VPS8: variants seen among roughly 807,000 people sequenced by gnomAD.
VPS8 encodes vacuolar protein sorting-associated protein 8 homolog.
In VPS8, 129 loss-of-function variants were observed where a neutral mutation model predicts 216.4. The ratio of observed to expected loss-of-function variants is 0.60; its 90% confidence interval spans 0.52 to 0.69. The LOEUF (loss-of-function observed/expected upper bound fraction) is 0.69, where lower values mean the gene tolerates loss of function less well. VPS8 is among the 30% of genes least tolerant of loss of function. The probability of loss-of-function intolerance (pLI) is 0.00; values close to 1 mark genes in which losing one functional copy is unlikely to be tolerated. For missense variants in VPS8, 1,531 were observed against 1,683.5 expected (o/e 0.91, Z 1.59); for synonymous variants, 571 against 565.4 (o/e 1.01, Z -0.14).
At chr3:184,839,785 A>G (rs1218368129) in intron 7 of VPS8, 33 bp downstream of exon 7, 9 of 1,567,616 alleles carry the variant, frequency 5.7e-6, no homozygotes, top group Non-Finnish European at 7.8e-6. Flanking sequence ...GCTTTTAAAT[A>G]TTAAGTGTCC....
intron 21 of VPS8, among the ~76,000 whole-genome samples, chr3:184,872,119 A>T (rs982627392): frequency 6.6e-6 from 1 of 152,158 alleles, no homozygotes; most frequent in Admixed American, 6.6e-5. Context: ...TTTATATATA[A>T]GTACTTGTGT....
chr3:184,839,690 G>A lies in VPS8; in HGVS notation c.481-8G>A. ...GTCTTAAAACGTAATCTTCCCTTTT[G>A]TTTTCAGGCAGTATCCAGTCTGATA... On this transcript the variant is annotated splice_region_variant and splice_polypyrimidine_tract_variant and intron_variant, in intron 6 of 47. Transcript: ENST00000625842. 6.2e-7 allele frequency: 1 copy of A among 1,600,244 alleles called. No individual in the cohort carries two copies. The highest frequency in any genetic ancestry group is 8.5e-7 in the Non-Finnish European group (1 of 1,172,828).
At chr3:185,016,777 T>C (rs1755861812) in intron 45 of VPS8, among the ~76,000 whole-genome samples, 1 of 152,142 alleles carries the variant, frequency 6.6e-6, no homozygotes, top group Admixed American at 6.5e-5. Flanking sequence ...AAGGGGAAAA[T>C]GTTGGAGCTA....
At chr3:185,007,752 C>T (rs1421181746) in intron 45 of VPS8, among the ~76,000 whole-genome samples, 3 of 152,064 alleles carry the variant, frequency 2.0e-5, no homozygotes, top group Non-Finnish European at 4.4e-5. Context: ...TTAGTGTTCT[C>T]TAGGAAAACG....
At position 185,051,866 on chromosome 3, in the gene VPS8, T is replaced by G; in HGVS notation, c.4138-10T>G. ...ACAAACCTTAGCTGATGTGTGTCCT[T>G]CCTTTGCAGCTGGCTCTCCTCACGG... On this transcript the variant is annotated splice_polypyrimidine_tract_variant and intron_variant, in intron 47 of 47. Transcript: ENST00000625842. The G allele has an allele frequency of 1.3e-6, 2 of 1,589,474 alleles. No homozygotes were observed. Among genetic ancestry groups the G allele is most frequent in the Non-Finnish European group, 1.7e-6 (2 of 1,168,002 alleles).
intron 37 of VPS8, among the ~76,000 whole-genome samples, chr3:184,961,778 CT>C (rs1746568130): frequency 9.6e-6 from 1 of 103,772 alleles, no homozygotes; most frequent in Non-Finnish European, 2.1e-5. Context: ...TGTTTTTGTT[CT>C]TTTTTTAGAC....
At chr3:184,904,692 T>C (rs1735163982) in intron 25 of VPS8, among the ~76,000 whole-genome samples, 1 of 152,240 alleles carries the variant, frequency 6.6e-6, no homozygotes, top group Non-Finnish European at 1.5e-5. Context: ...AGTCTTGTTA[T>C]GAGTGTATCT....
At chr3:184,984,194 A>AAAAAAAAAAACAAAAAACTCACCAAG in intron 42 of VPS8, among the ~76,000 whole-genome samples, 1 of 46,528 alleles carries the variant, frequency 2.1e-5, no homozygotes, top group Non-Finnish European at 4.0e-5. Context: ...AAAAAAAAAA[A>AAAAAAAAAAACAAAAAACTCACCAAG]CTCTACTTCC....
intron 42 of VPS8, among the ~76,000 whole-genome samples, chr3:184,991,275 C>T (rs566250211): frequency 6.6e-6 from 1 of 152,286 alleles, no homozygotes; most frequent in South Asian, 2.1e-4. Context: ...GTATGCTCTT[C>T]CTTCATAGTT....
chr3:184,860,461 A>C (rs1451653380), intron 15 of VPS8, among the ~76,000 whole-genome samples: 1 of 75,604 alleles, frequency 1.3e-5, no homozygotes, highest in Non-Finnish European at 2.5e-5. Flanking sequence ...GTATGTATAC[A>C]CACACATACA....
chr3:184,848,656 C>T (rs1284961404), intron 8 of VPS8, among the ~76,000 whole-genome samples: 1 of 149,020 alleles, frequency 6.7e-6, no homozygotes, highest in African/African-American at 2.5e-5. Flanking sequence ...GCAACCTCTG[C>T]CTCCCAAGTT....
chr3:184,829,382 T>G (rs1719509902), intron 3 of VPS8, among the ~76,000 whole-genome samples: 1 of 151,958 alleles, frequency 6.6e-6, no homozygotes, highest in Admixed American at 6.6e-5. Context: ...CGTGGCAAAG[T>G]TTTTTGTATT....
At chr3:185,048,228 G>A (rs1317528028) in intron 46 of VPS8, among the ~76,000 whole-genome samples, 4 of 152,300 alleles carry the variant, frequency 2.6e-5, no homozygotes, top group Admixed American at 6.5e-5. Flanking sequence ...CTATACATAC[G>A]GGACATTTGG....
chr3:184,848,781 C>A (rs1406509112), intron 8 of VPS8, among the ~76,000 whole-genome samples: 2 of 151,908 alleles, frequency 1.3e-5, no homozygotes, highest in African/African-American at 4.8e-5. Flanking sequence ...GTTGGCCAGC[C>A]TGGTCTCGAA....
chr3:184,886,236 A>C lies in VPS8; in HGVS notation c.1781+80A>C, dbSNP rs1353121562. On this transcript the variant is annotated intron_variant, in intron 22 of 47. Transcript: ENST00000625842. ...TGTATAAGCCATTGCTAAGAATTCTATGAATTTGACTGAATAGATTTAAAA... is the reference window on the plus strand; with the variant it reads ...TGTATAAGCCATTGCTAAGAATTCTCTGAATTTGACTGAATAGATTTAAAA... 4 of 1,320,846 alleles carry C rather than the reference A, an allele frequency of 3.0e-6. No individual in the cohort carries two copies. The Admixed American group carries it at 8.0e-5, about 26-fold the overall frequency. The allele number at this position is 1,320,846 out of a possible 1,614,324, so 81.8% of individuals were successfully genotyped here. A position where few individuals can be genotyped will look rare whatever the true frequency, so the allele number is the denominator to read the frequency against.
chr3:184,882,669 C>G (rs1730479739), intron 21 of VPS8, among the ~76,000 whole-genome samples: 1 of 152,032 alleles, frequency 6.6e-6, no homozygotes, highest in Non-Finnish European at 1.5e-5. Context: ...GTACAATTCT[C>G]TAGTGAAACC....
At chr3:185,021,399 G>C (rs936744319) in intron 45 of VPS8, among the ~76,000 whole-genome samples, 5 of 152,194 alleles carry the variant, frequency 3.3e-5, no homozygotes, top group Admixed American at 6.5e-5. Flanking sequence ...TAGAGAACAG[G>C]CTTCTCATAT....
Position 184,979,626 on chromosome 3 carries a change from T to G in VPS8, c.3421-2940T>G, listed in dbSNP as rs540335307. Among the ~76,000 whole-genome samples the G allele has an allele frequency of 5.9e-5, 9 of 152,294 alleles. No homozygotes were observed. In the South Asian group the frequency reaches 1.9e-3, roughly 32 times the overall value. On this transcript the variant is annotated intron_variant, in intron 40 of 47. Transcript: ENST00000625842. The stretch of plus-strand genomic sequence containing the variant: ...CTGAAATTAGAATAGCAACCCCTGC[T>G]CTTTTTTATTTTTTTGTTTGCTTGG...
chr3:184,903,117 G>T (rs1407110598), intron 25 of VPS8, among the ~76,000 whole-genome samples: 1 of 152,056 alleles, frequency 6.6e-6, no homozygotes, highest in African/African-American at 2.4e-5. Context: ...ATGTGTTTCT[G>T]TGCTCTCTAT....
Sources: allele counts gnomAD v4.1 joint callset (sites outside exome capture counted in the v4.1 genomes callset), GRCh38; gene constraint gnomAD v4.1.1; transcripts MANE v1.5; gene names NCBI Gene and HGNC (gene_info 2026-07-23, HGNC 2026-07-21).